The following GPAM variants were observed in gnomAD, a reference collection of about 807,000 sequenced individuals.
GPAM encodes glycerol-3-phosphate acyltransferase, mitochondrial.
GPAM carries 56 observed loss-of-function variants against 105.0 expected under a neutral mutation model. The observed-to-expected ratio is 0.53, with a 90% CI of 0.43 to 0.67. The LOEUF (loss-of-function observed/expected upper bound fraction) is 0.67, where lower values mean the gene tolerates loss of function less well. Ranked by LOEUF, GPAM falls within the 30% of genes least tolerant of loss-of-function variation. GPAM has a pLI of 0.00. For missense variants in GPAM, 855 were observed against 989.8 expected (o/e 0.86, Z 1.83); for synonymous variants, 368 against 354.4 (o/e 1.04, Z -0.43).
At chr10:112,214,853 A>T (rs1331934183) in intron 1 of GPAM, among the ~76,000 whole-genome samples, 2 of 152,224 alleles carry the variant, frequency 1.3e-5, no homozygotes, top group Non-Finnish European at 2.9e-5. Context: ...GCCAGGATGG[A>T]GGATTTCATG....
chr10:112,225,294 C>G, the GPAM span, among the ~76,000 whole-genome samples: 586 of 152,326 alleles, frequency 3.8e-3, 7 homozygotes, highest in African/African-American at 0.013. Context: ...CTCTAATGGC[C>G]TTGCCTGGGA....
rs776876225 is a variant in GPAM, at chr10:112,173,065, G to T, written c.562C>A (p.Leu188Met). The change falls in exon 8 of 22, where the codon CTG becomes ATG. Residue 188 changes from leucine to methionine, a missense_variant and splice_region_variant. Coordinates refer to ENST00000348367, the MANE Select transcript of GPAM (RefSeq NM_001244949.2). ...VATVSPAMIR[L>M]TGWVLLKLFN... The stretch of plus-strand genomic sequence containing the variant: ...AGTTTTAGCAGCACCCACCCAGTCA[G>T]TCTGAAACAAAGTACAAACAAAAAA... The T allele has an allele frequency of 6.4e-7, 1 of 1,570,782 alleles. No homozygotes were observed. The highest frequency in any genetic ancestry group is 8.8e-7 in the Non-Finnish European group (1 of 1,140,580).
At chr10:112,198,823 AACGGAC>A (rs1847756650) in intron 1 of GPAM, among the ~76,000 whole-genome samples, 1 of 152,224 alleles carries the variant, frequency 6.6e-6, no homozygotes, top group Admixed American at 6.5e-5. Context: ...GTATATACAC[AACGGAC>A]TACTCTTCAG....
the GPAM span, among the ~76,000 whole-genome samples, chr10:112,223,879 T>C: frequency 6.6e-6 from 1 of 152,214 alleles, no homozygotes; most frequent in African/African-American, 2.4e-5. Flanking sequence ...TGTAATTTAC[T>C]GACCCTTGCC....
rs1564809366 is a variant in GPAM at position 112,155,893 on chromosome 10, G to T, written c.2282C>A (p.Thr761Asn). The stretch of plus-strand genomic sequence containing the variant: ...TACTGCAACATTTCTTTCTGTTCTG[G>T]TTATTAGGTATTTGTGCAACTTTTG... ...YLQKLHKYLI[T>N]RTERNVAVYA... Residue 761 changes from threonine to asparagine, a missense_variant, in exon 20 of 22, where the codon ACC (threonine) becomes AAC (asparagine). Thr to Asn is a moderately conservative substitution (Grantham distance 65, BLOSUM62 0). Coordinates refer to ENST00000348367, the MANE Select transcript of GPAM (RefSeq NM_001244949.2). 6.2e-6 allele frequency: 10 copies of T among 1,605,292 alleles called. No individual in the cohort carries two copies. The highest frequency in any genetic ancestry group is 8.5e-6 in the Non-Finnish European group (10 of 1,172,224).
At position 112,153,139 on chromosome 10, in the gene GPAM, T is replaced by TATACCAAC; in HGVS notation, c.*403_*410dup. The TATACCAAC allele has an allele frequency of 1.2e-5, 12 of 1,032,790 alleles. No individual in the cohort carries two copies. The highest frequency in any genetic ancestry group is 1.4e-5 in the Non-Finnish European group (12 of 855,990). The allele number at this position is 1,032,790 out of a possible 1,614,324, so 64.0% of individuals were successfully genotyped here. A position where few individuals can be genotyped will look rare whatever the true frequency, so the allele number is the denominator to read the frequency against. ...GAAGCATTAACCACTAACCAGATAATATACCAACAAATTACCCAGCAGCAC... is the reference window on the plus strand; with the variant it reads ...GAAGCATTAACCACTAACCAGATAATATACCAACATACCAACAAATTACCCAGCAGCAC... On this transcript the variant is annotated 3_prime_UTR_variant, in exon 22 of 22. Coordinates refer to ENST00000348367, the MANE Select transcript of GPAM (RefSeq NM_001244949.2).
In GPAM at chr10:112,164,691, A is replaced by G. The variant is rs2133240080; in HGVS notation, c.1222-81T>C. ...AATGTAATTTCATCTTCCAAAGGTT[A>G]AAAGGGAGTTGTTTATGAAATAAGC... On this transcript the variant is annotated intron_variant, in intron 12 of 21. Coordinates refer to ENST00000348367, the MANE Select transcript of GPAM (RefSeq NM_001244949.2). The G allele has an allele frequency of 1.6e-5, 13 of 806,172 alleles. No individual in the cohort carries two copies. In the South Asian group the frequency reaches 1.7e-4, roughly 10 times the overall value. 49.9% of individuals were successfully genotyped at this position (806,172 alleles called of 1,614,324 possible).
chr10:112,166,453 T>A lies in GPAM; in HGVS notation c.1170A>T (p.Arg390=). 1 of 1,612,772 alleles carries A rather than the reference T, an allele frequency of 6.2e-7. No homozygotes were observed. Among genetic ancestry groups the A allele is most frequent in the Non-Finnish European group, 8.5e-7 (1 of 1,178,710 alleles). ...SVARGVIRML[R]KNYGCVRVDF... is the part of the protein sequence containing the mutation. The stretch of plus-strand genomic sequence containing the variant: ...CCACTCGGACACAACCATAGTTTTT[T>A]CGTAACATTCTAATAACACCTCTTG... The change falls in exon 12 of 22, where the codon CGA becomes CGT. Residue 390 remains arginine, a synonymous_variant. Coordinates refer to ENST00000348367, the MANE Select transcript of GPAM (RefSeq NM_001244949.2).
At chr10:112,168,611 C>T (rs1360373381) in intron 10 of GPAM, 87 bp from the exon 11 acceptor site, 1 of 929,052 alleles carries the variant, frequency 1.1e-6, no homozygotes, top group Non-Finnish European at 1.7e-6. Flanking sequence ...AAAAGCAAAA[C>T]AGAAAAAACG....
chr10:112,200,248 G>C (rs370582794), intron 1 of GPAM, among the ~76,000 whole-genome samples: 27 of 133,468 alleles, frequency 2.0e-4, no homozygotes, highest in Non-Finnish European at 3.9e-4. Context: ...TATATATAGA[G>C]AGAGAGAGAG....
At chr10:112,187,269 A>C (rs901078917), upstream of GPAM, among the ~76,000 whole-genome samples, 1 of 152,198 alleles carries the variant, frequency 6.6e-6, no homozygotes, top group Admixed American at 6.5e-5. Context: ...ATTAAAAGGC[A>C]GATATTGTCA....
intron 5 of GPAM, among the ~76,000 whole-genome samples, chr10:112,177,503 T>C (rs1039421837): frequency 6.6e-6 from 1 of 152,198 alleles, no homozygotes; most frequent in Non-Finnish European, 1.5e-5. Context: ...CCTATCCCCA[T>C]ATGCCTAGAA....
intron 3 of GPAM, 76 bp from the exon 4 acceptor site, chr10:112,180,671 G>C: frequency 1.5e-6 from 2 of 1,347,606 alleles, no homozygotes; most frequent in Non-Finnish European, 2.1e-6. Context: ...AAAATCTAAA[G>C]TATTTTGAAC....
At chr10:112,188,675 T>C (rs1450462016), upstream of GPAM, among the ~76,000 whole-genome samples, 2 of 152,250 alleles carry the variant, frequency 1.3e-5, no homozygotes, top group African/African-American at 4.8e-5. Flanking sequence ...CATTGCATTT[T>C]GTTTTGTTTT....
chr10:112,153,526 T>A lies in GPAM; in HGVS notation c.*24A>T, dbSNP rs1228452324. 6.2e-7 allele frequency: 1 copy of A among 1,613,566 alleles called. No homozygotes were observed. ...CAAGGAACTCATCTCATGACCTTCA[T>A]TTGCCAGCAGTGCCACACGTTACCT... On this transcript the variant is annotated 3_prime_UTR_variant, in exon 22 of 22. Coordinates refer to ENST00000348367, the MANE Select transcript of GPAM (RefSeq NM_001244949.2).
rs920466791 is a variant in GPAM, at chr10:112,168,924, A to G, written c.823T>C (p.Phe275Leu). ...GTTTCATCGAGCCTTCGTCGTATGA[A>G]GAAGCCCCCAAGCTTATGGATCAAG... The part of the protein sequence containing the change: ...STLIHKLGGF[F>L]IRRRLDETPD... The change falls in exon 10 of 22, where the codon TTC becomes CTC. Residue 275 changes from phenylalanine to leucine, a missense_variant. Physicochemically the swap from Phe to Leu is conservative, Grantham distance 22. Transcript: ENST00000348367. 5.6e-6 allele frequency: 9 copies of G among 1,609,042 alleles called. No homozygotes were observed. Among genetic ancestry groups the G allele is most frequent in the Non-Finnish European group, 7.7e-6 (9 of 1,175,382 alleles).
Position 112,152,469 on chromosome 10 carries a change from T to C in GPAM, c.*1081A>G. The stretch of plus-strand genomic sequence containing the variant: ...AATGCCTCTAACCATTACCAGTCAG[T>C]AGGGCCACCACATGCATATACTGGA... On this transcript the variant is annotated 3_prime_UTR_variant, in exon 22 of 22. Transcript: ENST00000348367. The C allele has an allele frequency of 1.0e-6, 1 of 985,348 alleles. No homozygotes were observed. Among genetic ancestry groups the C allele is most frequent in the Non-Finnish European group, 1.2e-6 (1 of 829,874 alleles). The allele number at this position is 985,348 out of a possible 1,614,324, so 61.0% of individuals were successfully genotyped here. A position where few individuals can be genotyped will look rare whatever the true frequency, so the allele number is the denominator to read the frequency against.
chr10:112,159,110 T>C (rs1218300770), intron 17 of GPAM, among the ~76,000 whole-genome samples: 1 of 152,140 alleles, frequency 6.6e-6, no homozygotes, highest in African/African-American at 2.4e-5. Context: ...ATATGTCTCA[T>C]GATAAATGCC....
chr10:112,155,006 T>C (rs1846989809), intron 20 of GPAM: 1 of 428,372 alleles, frequency 2.3e-6, no homozygotes, highest in Admixed American at 3.6e-5. Context: ...CCAGGACTGT[T>C]GTGAGAATCA....
Sources: allele counts gnomAD v4.1 joint callset (sites outside exome capture counted in the v4.1 genomes callset), GRCh38; gene constraint gnomAD v4.1.1; transcripts MANE v1.5; gene names NCBI Gene and HGNC (gene_info 2026-07-23, HGNC 2026-07-21).